Variants in PCDHGA5 observed in about 807,000 individuals in gnomAD.
PCDHGA5 encodes protocadherin gamma subfamily A, 5, also known as protocadherin gamma-A5.
PCDHGA5 carries 36 observed loss-of-function variants against 56.7 expected under a neutral mutation model. That is an observed-to-expected ratio of 0.64 (90% CI 0.49 to 0.84). PCDHGA5 has a LOEUF of 0.84. PCDHGA5 is among the 40% of genes least tolerant of loss of function. The pLI is 0.00. For missense variants in PCDHGA5, 1,305 were observed against 1,201.5 expected, an observed-to-expected ratio of 1.09 and a Z score of -1.27; for synonymous variants, 563 against 520.2, an observed-to-expected ratio of 1.08 and a Z score of -1.12.
intron 1 of PCDHGA5, chr5:141,413,829 C>T (rs923860929): frequency 1.1e-5 from 18 of 1,613,176 alleles, no homozygotes; most frequent in Non-Finnish European, 1.4e-5. Flanking sequence ...TCCTCACCGC[C>T]TCCGACGGGG....
In PCDHGA5 at chr5:141,409,379, A is replaced by G. The variant is rs376174246; in HGVS notation, c.2421+42628A>G. On this transcript the variant is annotated intron_variant, in intron 1 of 3. Transcript: ENST00000518069. ...TAATATAGAAACAGACATTCCATTC[A>G]AGATTTATTCTTCTTCCAATAACTA... is the stretch of plus-strand genomic sequence containing the variant. The G allele has an allele frequency of 1.5e-5, 25 of 1,613,926 alleles. No homozygotes were observed. The highest frequency in any genetic ancestry group is 2.0e-5 in the Non-Finnish European group (24 of 1,179,908).
intron 1 of PCDHGA5, chr5:141,442,112 C>CTCG (rs2098300474): frequency 6.0e-6 from 1 of 166,158 alleles, no homozygotes; most frequent in Admixed American, 6.5e-5. Context: ...ACTACCGCCC[C>CTCG]TCGTCGCCGA....
chr5:141,431,296 C>T lies in PCDHGA5; in HGVS notation c.2422-63511C>T, dbSNP rs2097358592. On this transcript the variant is annotated intron_variant, in intron 1 of 3. Transcript: ENST00000518069. The surrounding 1 kb of genome is among the most constrained non-coding windows in gnomAD (Gnocchi z 4.8). ...AGCTCAGCCCGAACACTCACTTCTC[C>T]CTCATCGTGCAAAATGGAGCCGACG... The T allele has an allele frequency of 1.9e-6, 3 of 1,614,018 alleles. No individual in the cohort carries two copies. Among genetic ancestry groups the T allele is most frequent in the Non-Finnish European group, 2.5e-6 (3 of 1,180,048 alleles).
chr5:141,371,270 C>G (rs778912997), intron 1 of PCDHGA5: 24 of 1,613,894 alleles, frequency 1.5e-5, no homozygotes, highest in South Asian at 5.5e-5. Flanking sequence ...GACAACTGTT[C>G]AAGCTGGACA....
At position 141,365,464 on chromosome 5, in the gene PCDHGA5, A is replaced by C. The variant is rs1763932491; in HGVS notation, c.1134A>C (p.Glu378Asp). Reference sequence around the variant, plus strand: ...GCGTACATGATGGTGATTCTGGAGAAAATGGTGAGATTGCATGCTCTATTC... The same window carrying C: ...GCGTACATGATGGTGATTCTGGAGACAATGGTGAGATTGCATGCTCTATTC... ...LFSVHDGDSG[E>D]NGEIACSIPR... Residue 378 changes from glutamate to aspartate, a missense_variant, in exon 1 of 4, where the codon GAA (glutamate) becomes GAC (aspartate). Physicochemically the swap from Glu to Asp is conservative, Grantham distance 45. Coordinates refer to ENST00000518069, the MANE Select transcript of PCDHGA5 (RefSeq NM_018918.3). The C allele has an allele frequency of 1.9e-6, 3 of 1,614,072 alleles. No individual in the cohort carries two copies. In the East Asian group the frequency reaches 6.7e-5, roughly 36 times the overall value.
At chr5:141,505,127 A>C (rs926566427) in intron 2 of PCDHGA5, among the ~76,000 whole-genome samples, 1 of 152,158 alleles carries the variant, frequency 6.6e-6, no homozygotes, top group Non-Finnish European at 1.5e-5. Context: ...GCGCCACTGC[A>C]CTCCAGCCTG....
chr5:141,421,748 G>C, intron 1 of PCDHGA5: 1 of 1,613,944 alleles, frequency 6.2e-7, no homozygotes, highest in Non-Finnish European at 8.5e-7. Flanking sequence ...TACCAGCTCA[G>C]CCCTAATAAT....
intron 1 of PCDHGA5, chr5:141,393,918 T>C: frequency 6.2e-7 from 1 of 1,613,982 alleles, no homozygotes; most frequent in Non-Finnish European, 8.5e-7. Context: ...AATTGCCTTC[T>C]TGAGTGTGCA....
Position 141,490,387 on chromosome 5 carries a change from G to C in PCDHGA5, c.2422-4420G>C. 2 of 1,614,196 alleles carry C rather than the reference G, an allele frequency of 1.2e-6. No individual in the cohort carries two copies. The highest frequency in any genetic ancestry group is 1.7e-6 in the Non-Finnish European group (2 of 1,180,034). On this transcript the variant is annotated intron_variant, in intron 1 of 3. Transcript: ENST00000518069. This position sits in a 1 kb window ranked among gnomAD's most constrained non-coding sequence, Gnocchi z 5.4. ...GCGAGACCGGGACTCAGGTAGAAATGGTGAAGTGAGCCTTGATATCTCTCC... is the reference window on the plus strand; with the variant it reads ...GCGAGACCGGGACTCAGGTAGAAATCGTGAAGTGAGCCTTGATATCTCTCC...
At chr5:141,389,733 C>A in intron 1 of PCDHGA5, 1 of 1,612,786 alleles carries the variant, frequency 6.2e-7, no homozygotes, top group Non-Finnish European at 8.5e-7. Flanking sequence ...GCTCTTCAGC[C>A]TGGGGCTGCG....
At chr5:141,413,132 A>G in intron 1 of PCDHGA5, 1 of 1,542,144 alleles carries the variant, frequency 6.5e-7, no homozygotes, top group Non-Finnish European at 8.7e-7. Context: ...GAAACACACA[A>G]CGTGTCCAGT....
Position 141,403,721 on chromosome 5 carries a change from C to T in PCDHGA5, c.2421+36970C>T, listed in dbSNP as rs748888364. On this transcript the variant is annotated intron_variant, in intron 1 of 3. Coordinates refer to ENST00000518069, the MANE Select transcript of PCDHGA5 (RefSeq NM_018918.3). ...AGTTAAAGTCCTTGAGAACGTGCCC[C>T]CAGGCACCTGGCTGCTTACTGCAAC... 5 of 1,613,754 alleles carry T rather than the reference C, an allele frequency of 3.1e-6. No individual in the cohort carries two copies. The highest frequency in any genetic ancestry group is 2.2e-5 in the East Asian group (1 of 44,878).
Position 141,491,030 on chromosome 5 carries a change from C to T in PCDHGA5, c.2422-3777C>T. ...GTCACCAAGGTGACAGCCGTGGATG[C>T]TGATGCAGGCCACAATGCGTGGCTC... On this transcript the variant is annotated intron_variant, in intron 1 of 3. Transcript: ENST00000518069. The surrounding 1 kb of genome is among the most constrained non-coding windows in gnomAD (Gnocchi z 6.9). 6.2e-7 allele frequency: 1 copy of T among 1,614,148 alleles called. No individual in the cohort carries two copies. Among genetic ancestry groups the T allele is most frequent in the South Asian group, 1.1e-5 (1 of 91,088 alleles).
rs1310725827 is a variant in PCDHGA5, at chr5:141,500,934, T to C, written c.2481-4459T>C. The stretch of plus-strand genomic sequence containing the variant: ...TCCAGGCTGGGGTGCAGTGGCGCCA[T>C]CTCGGCTCACTGCAAGCTCCACCTC... On this transcript the variant is annotated intron_variant, in intron 2 of 3. Transcript: ENST00000518069. 5.9e-5 allele frequency among the ~76,000 whole-genome samples: 9 copies of C among 151,906 alleles called. 1 individual carries two copies. Among genetic ancestry groups the C allele is most frequent in the Non-Finnish European group, 1.3e-4 (9 of 68,020 alleles).
Position 141,511,015 on chromosome 5 carries a change from C to A in PCDHGA5, c.2638C>A (p.Pro880Thr). Residue 880 changes from proline (P) to threonine (T), a missense_variant, in exon 4 of 4, where the codon CCC becomes ACC. Coordinates refer to ENST00000518069, the MANE Select transcript of PCDHGA5 (RefSeq NM_018918.3). ...GTMGLSARYG[P>T]QFTLQHVPDY... ...CATGGGATTGAGCGCCCGCTACGGA[C>A]CCCAGTTCACCCTGCAGCACGTGCC... 6.2e-7 allele frequency: 1 copy of A among 1,614,224 alleles called. No individual in the cohort carries two copies. The highest frequency in any genetic ancestry group is 8.5e-7 in the Non-Finnish European group (1 of 1,180,038).
chr5:141,404,517 A>C (rs1268035794), intron 1 of PCDHGA5: 1 of 1,613,938 alleles, frequency 6.2e-7, no homozygotes, highest in South Asian at 1.1e-5. Flanking sequence ...TCCTTTGACT[A>C]TGAGCAGTTT....
In PCDHGA5 at chr5:141,432,973, G is replaced by T. The variant is rs150572360; in HGVS notation, c.2422-61834G>T. The T allele has an allele frequency of 3.7e-6, 6 of 1,614,096 alleles. 1 individual carries two copies. The highest frequency in any genetic ancestry group is 1.7e-5 in the Admixed American group (1 of 60,014). Reference sequence around the variant, plus strand: ...GCGGCTTGACAGGAGCGCCGGCGTCGCACTTTGTGGGCGTGGACGGGGTGC... The same window carrying T: ...GCGGCTTGACAGGAGCGCCGGCGTCTCACTTTGTGGGCGTGGACGGGGTGC... On this transcript the variant is annotated intron_variant, in intron 1 of 3. Coordinates refer to ENST00000518069, the MANE Select transcript of PCDHGA5 (RefSeq NM_018918.3). This position sits in a 1 kb window ranked among gnomAD's most constrained non-coding sequence, Gnocchi z 6.0.
chr5:141,371,774 T>A, intron 1 of PCDHGA5: 1 of 1,614,000 alleles, frequency 6.2e-7, no homozygotes, highest in Non-Finnish European at 8.5e-7. Flanking sequence ...ACACCGTGCA[T>A]GTAGCTGAGA....
rs532490777 is a variant in PCDHGA5, at chr5:141,487,782, T to C, written c.2422-7025T>C. 7.2e-6 allele frequency: 11 copies of C among 1,525,744 alleles called. No homozygotes were observed. The South Asian group carries it at 1.2e-4, about 17-fold the overall frequency. The allele number at this position is 1,525,744 out of a possible 1,614,324, so 94.5% of individuals were successfully genotyped here. ...GACGCTGTGCTTTGTAACTGTTTCGTGAATTAACCAGAGTTGTCACAGTTT... is the reference window on the plus strand; with the variant it reads ...GACGCTGTGCTTTGTAACTGTTTCGCGAATTAACCAGAGTTGTCACAGTTT... On this transcript the variant is annotated intron_variant, in intron 1 of 3. Coordinates refer to ENST00000518069, the MANE Select transcript of PCDHGA5 (RefSeq NM_018918.3). This position sits in a 1 kb window ranked among gnomAD's most constrained non-coding sequence, Gnocchi z 5.0.
Sources: gnomAD v4.1 joint callset for allele counts (sites outside exome capture counted in the v4.1 genomes callset) on GRCh38, gnomAD v4.1.1 for gene constraint, Gnocchi (gnomAD v3.1) non-coding constraint, MANE v1.5 for transcripts, NCBI Gene and HGNC (gene_info 2026-07-23, HGNC 2026-07-21) for gene names.